OR1J2: variants seen among roughly 807,000 people sequenced by gnomAD.
The protein encoded by OR1J2 is olfactory receptor family 1 subfamily J member 2.
For missense variants in OR1J2, 304 were observed against 246.1 expected (o/e 1.24, Z -1.57); for synonymous variants, 142 against 99.7 (o/e 1.42, Z -2.52).
chr9:122,545,308 T>G, the OR1J2 span, among the ~76,000 whole-genome samples: 1 of 152,164 alleles, frequency 6.6e-6, no homozygotes, highest in Non-Finnish European at 1.5e-5. Context: ...AGTGGTTGTT[T>G]ATGGTATTCC....
the OR1J2 span, chr9:122,568,088 A>G: frequency 1.9e-6 from 3 of 1,614,072 alleles, no homozygotes; most frequent in Admixed American, 1.7e-5. Context: ...CATAGTGGAA[A>G]GGGTCACAGA....
At chr9:122,535,816 G>A in the OR1J2 span, among the ~76,000 whole-genome samples, 45 of 152,232 alleles carry the variant, frequency 3.0e-4, no homozygotes, top group Non-Finnish European at 4.7e-4. Flanking sequence ...ATTTCACCTG[G>A]GTGCAGGTGG....
the OR1J2 span, among the ~76,000 whole-genome samples, chr9:122,528,141 C>T: frequency 7.5e-4 from 114 of 152,276 alleles, 1 homozygote; most frequent in African/African-American, 2.6e-3. Flanking sequence ...CTTAGTTTAA[C>T]GTATTTAGTC....
chr9:122,548,316 T>A, the OR1J2 span, among the ~76,000 whole-genome samples: 1 of 152,142 alleles, frequency 6.6e-6, no homozygotes, highest in African/African-American at 2.4e-5. Flanking sequence ...TAACAAGGTT[T>A]CTTTATATAC....
the OR1J2 span, among the ~76,000 whole-genome samples, chr9:122,463,217 T>C: frequency 6.6e-6 from 1 of 152,260 alleles, no homozygotes; most frequent in African/African-American, 2.4e-5. Flanking sequence ...ATTGTATTGC[T>C]GAGAATTTCC....
chr9:122,484,514 A>G, the OR1J2 span, among the ~76,000 whole-genome samples: 40,402 of 151,970 alleles, frequency 0.27, 5,777 homozygotes, highest in African/African-American at 0.36. Flanking sequence ...TACACAGCCA[A>G]TGGGCAGATT....
the OR1J2 span, among the ~76,000 whole-genome samples, chr9:122,562,204 G>A: frequency 6.6e-6 from 1 of 152,244 alleles, no homozygotes; most frequent in East Asian, 1.9e-4. Context: ...ATAGTGACCT[G>A]GAGCTATAGA....
chr9:122,499,938 CAGG>C, the OR1J2 span, among the ~76,000 whole-genome samples: 1 of 152,192 alleles, frequency 6.6e-6, no homozygotes, highest in African/African-American at 2.4e-5. Flanking sequence ...TGTTGCTGCC[CAGG>C]AGAAGCCACA....
chr9:122,511,314 G>A lies in OR1J2; in HGVS notation c.513G>A (p.Ala171=), dbSNP rs769172584. The A allele has an allele frequency of 5.9e-5, 43 of 729,242 alleles. No homozygotes were observed. The highest frequency in any genetic ancestry group is 5.6e-4 in the Admixed American group (29 of 51,616). The allele number at this position is 729,242 out of a possible 1,614,324, so 45.2% of individuals were successfully genotyped here. A position where few individuals can be genotyped will look rare whatever the true frequency, so the allele number is the denominator to read the frequency against. ...LLLTRLSFCA[A]NTIPHVFCDL... Reference sequence around the variant, plus strand: ...TGACCCGGCTGTCTTTCTGTGCTGCGAACACCATCCCCCATGTCTTCTGTG... The same window carrying A: ...TGACCCGGCTGTCTTTCTGTGCTGCAAACACCATCCCCCATGTCTTCTGTG... Residue 171 remains alanine, a synonymous_variant, in exon 1 of 1, where the codon GCG becomes GCA. Transcript: ENST00000335302.
chr9:122,485,351 G>T, the OR1J2 span, among the ~76,000 whole-genome samples: 1 of 152,148 alleles, frequency 6.6e-6, no homozygotes, highest in African/African-American at 2.4e-5. Context: ...AAGGCTTTCC[G>T]CACAGACTCC....
the OR1J2 span, among the ~76,000 whole-genome samples, chr9:122,541,266 G>C: frequency 6.6e-6 from 1 of 152,106 alleles, no homozygotes; most frequent in Admixed American, 6.5e-5. Flanking sequence ...TAAATCCTAA[G>C]CTGGCAGTAG....
the OR1J2 span, chr9:122,526,511 G>C: frequency 8.2e-6 from 13 of 1,593,854 alleles, no homozygotes; most frequent in Non-Finnish European, 1.0e-5. Flanking sequence ...AGGCAATGGA[G>C]GGAGGACACA....
At chr9:122,455,844 G>A in the OR1J2 span, among the ~76,000 whole-genome samples, 10 of 151,922 alleles carry the variant, frequency 6.6e-5, no homozygotes, top group Non-Finnish European at 7.4e-5. Flanking sequence ...TTATATTTAG[G>A]TTTTTAGTTT....
the OR1J2 span, among the ~76,000 whole-genome samples, chr9:122,474,776 A>G: frequency 6.6e-6 from 1 of 152,224 alleles, no homozygotes; most frequent in Non-Finnish European, 1.5e-5. Flanking sequence ...TTATCACTAG[A>G]CATTCTTCAG....
At chr9:122,477,698 T>A in the OR1J2 span, 1 of 1,614,032 alleles carries the variant, frequency 6.2e-7, no homozygotes, top group African/African-American at 1.3e-5. Flanking sequence ...TTAGGGACAG[T>A]GACAGATGAA....
the OR1J2 span, among the ~76,000 whole-genome samples, chr9:122,450,328 G>A: frequency 1.3e-5 from 2 of 152,138 alleles, no homozygotes; most frequent in African/African-American, 2.4e-5. Flanking sequence ...CTACTAGGGC[G>A]GCTGAGGCAC....
At chr9:122,504,001 T>G in the OR1J2 span, among the ~76,000 whole-genome samples, 1 of 152,200 alleles carries the variant, frequency 6.6e-6, no homozygotes, top group Non-Finnish European at 1.5e-5. Context: ...GAAATCCTCA[T>G]GAGGCCATAG....
At chr9:122,578,782 A>G in the OR1J2 span, among the ~76,000 whole-genome samples, 3 of 152,156 alleles carry the variant, frequency 2.0e-5, no homozygotes, top group Non-Finnish European at 2.9e-5. Context: ...TAAGAATGAT[A>G]CAATGAACTT....
the OR1J2 span, among the ~76,000 whole-genome samples, chr9:122,482,617 T>C: frequency 6.6e-6 from 1 of 152,180 alleles, no homozygotes; most frequent in Admixed American, 6.5e-5. Flanking sequence ...AACATAAATG[T>C]CCATCAGTGG....
Sources: gnomAD v4.1 joint callset for allele counts (sites outside exome capture counted in the v4.1 genomes callset) on GRCh38, gnomAD v4.1.1 for gene constraint, MANE v1.5 for transcripts, NCBI Gene and HGNC (gene_info 2026-07-23, HGNC 2026-07-21) for gene names.